AMMECR1: variants seen among roughly 807,000 people sequenced by gnomAD.
AMMECR1 encodes the protein nuclear protein AMMECR1.
A neutral mutation model predicts 22.5 loss-of-function variants in AMMECR1; 3 were observed. The ratio of observed to expected loss-of-function variants is 0.13; its 90% CI spans 0.06 to 0.35. AMMECR1 has a LOEUF of 0.35. Among genes scored for constraint, AMMECR1 ranks in the 10% least tolerant of loss-of-function variants. AMMECR1 has a pLI of 1.00. For missense variants in AMMECR1, 235 were observed against 278.7 expected (o/e 0.84, Z 1.12); for synonymous variants, 130 against 116.7 (o/e 1.11, Z -0.74).
At chrX:110,346,847 G>A (rs752874311) in intron 2 of AMMECR1, 2 of 657,813 alleles carry the variant, frequency 3.0e-6, no homozygotes, top group African/African-American at 2.1e-5. Context: ...TGTTGAGCCC[G>A]GCCTCCAGCT....
At chrX:110,320,429 T>G (rs1602895354), upstream of AMMECR1, among the ~76,000 whole-genome samples, 1 of 112,108 alleles carries the variant, frequency 8.9e-6, no homozygotes. Context: ...AGCCATTTAA[T>G]GACATCACAA....
At chrX:110,296,769 ACTTTC>A (rs1026553097) in intron 1 of AMMECR1, among the ~76,000 whole-genome samples, 2 of 109,646 alleles carry the variant, frequency 1.8e-5, no homozygotes, top group African/African-American at 6.6e-5. Context: ...TCATTCTCTT[ACTTTC>A]CTTTAATTCT....
chrX:110,424,351 T>C (rs972336285), intron 2 of AMMECR1, among the ~76,000 whole-genome samples: 16 of 111,820 alleles, frequency 1.4e-4, no homozygotes, highest in Admixed American at 7.6e-4. Flanking sequence ...CTGCTACTGT[T>C]TCTCCTCCTC....
At chrX:110,219,521 T>C in intron 2 of AMMECR1, 1 of 749,165 alleles carries the variant, frequency 1.3e-6, no homozygotes. Flanking sequence ...TTGAAATCAA[T>C]GTAATTTTCA....
intron 2 of AMMECR1, among the ~76,000 whole-genome samples, chrX:110,389,991 G>A (rs988102961): frequency 8.9e-6 from 1 of 111,866 alleles, no homozygotes; most frequent in African/African-American, 3.2e-5. Flanking sequence ...TATTGGAAGT[G>A]TGTGAAGTGT....
chrX:110,269,307 T>G (rs1337262516), intron 1 of AMMECR1, among the ~76,000 whole-genome samples: 1 of 112,003 alleles, frequency 8.9e-6, no homozygotes, highest in Non-Finnish European at 1.9e-5. Flanking sequence ...TGTATTTACT[T>G]AATAATATTT....
intron 2 of AMMECR1, among the ~76,000 whole-genome samples, chrX:110,381,671 A>C (rs1182574268): frequency 1.8e-5 from 2 of 111,741 alleles, no homozygotes; most frequent in Non-Finnish European, 3.8e-5. Flanking sequence ...TGGAATCAAC[A>C]TAGGTGCCCA....
At chrX:110,235,755 T>C (rs1204621018) in intron 2 of AMMECR1, among the ~76,000 whole-genome samples, 5 of 111,356 alleles carry the variant, frequency 4.5e-5, no homozygotes, top group South Asian at 3.8e-4. Context: ...TAGATGGGAA[T>C]TGAACAATGA....
At chrX:110,421,383 T>A (rs1308025385) in intron 2 of AMMECR1, among the ~76,000 whole-genome samples, 1 of 112,357 alleles carries the variant, frequency 8.9e-6, no homozygotes, top group Non-Finnish European at 1.9e-5. Context: ...CAAGGACAAT[T>A]TTGGCTCAAG....
intron 2 of AMMECR1, among the ~76,000 whole-genome samples, chrX:110,230,639 G>C (rs2067559818): frequency 1.8e-5 from 2 of 112,128 alleles, no homozygotes; most frequent in African/African-American, 6.5e-5. Context: ...AAGGGTCACA[G>C]CTCCTCACCA....
intron 1 of AMMECR1, among the ~76,000 whole-genome samples, chrX:110,427,759 C>T (rs1012745358): frequency 9.8e-5 from 11 of 112,207 alleles, no homozygotes; most frequent in Middle Eastern, 4.7e-3. Context: ...CATAACCACC[C>T]CCAACACTAT....
intron 1 of AMMECR1, among the ~76,000 whole-genome samples, chrX:110,299,956 T>C (rs2067957316): frequency 8.9e-6 from 1 of 112,283 alleles, no homozygotes; most frequent in Non-Finnish European, 1.9e-5. Flanking sequence ...GGTTGTTATC[T>C]TGGCTACTGT....
chrX:110,318,944 A>G (rs1328753175), upstream of AMMECR1, among the ~76,000 whole-genome samples: 3 of 112,334 alleles, frequency 2.7e-5, no homozygotes, highest in Non-Finnish European at 5.6e-5. Flanking sequence ...TGGGACTTGC[A>G]GTGGTGGACT....
upstream of AMMECR1, among the ~76,000 whole-genome samples, chrX:110,322,545 T>C (rs949088486): frequency 3.6e-5 from 4 of 112,216 alleles, no homozygotes; most frequent in Admixed American, 3.8e-4. Flanking sequence ...TCTCATTGTG[T>C]TCTGGGGCAC....
chrX:110,318,085 C>T lies in AMMECR1; in HGVS notation c.-14G>A, dbSNP rs1273641346. On this transcript the variant is annotated 5_prime_UTR_variant, in exon 1 of 6. Transcript: ENST00000262844. ...ACCCGCCGCCATCTTGGAACAGTCT[C>T]CCCCACGCAGCGTTTCCGACCCATA... 1.7e-6 allele frequency: 2 copies of T among 1,175,043 alleles called. No individual in the cohort carries two copies. The highest frequency in any genetic ancestry group is 3.5e-5 in the African/African-American group (2 of 56,886).
intron 1 of AMMECR1, among the ~76,000 whole-genome samples, chrX:110,277,702 CCCAA>C: frequency 8.9e-6 from 1 of 111,740 alleles, no homozygotes; most frequent in East Asian, 2.8e-4. Flanking sequence ...CTACTCAGAA[CCCAA>C]AGGTTAGACA....
intron 2 of AMMECR1, among the ~76,000 whole-genome samples, chrX:110,260,704 GA>G (rs1159435365): frequency 9.0e-6 from 1 of 111,281 alleles, no homozygotes; most frequent in Non-Finnish European, 1.9e-5. Context: ...CTTTTAAGAG[GA>G]AAAAGGGTAC....
At chrX:110,385,470 C>T (rs1449867313) in intron 2 of AMMECR1, among the ~76,000 whole-genome samples, 1 of 111,238 alleles carries the variant, frequency 9.0e-6, no homozygotes, top group Non-Finnish European at 1.9e-5. Context: ...ATTCATTACC[C>T]CAAAAAGGAA....
rs754073935 is a variant in AMMECR1, at chrX:110,317,621, G to C, written c.451C>G (p.Pro151Ala). ...HLYGYQQPRT[P>A]RFTNEPYPLF... Reference sequence around the variant, plus strand: ...CACTAGGGCTCGTTGGTGAATCGGGGGGTCCGGGGCTGCTGGTATCCATAC... The same window carrying C: ...CACTAGGGCTCGTTGGTGAATCGGGCGGTCCGGGGCTGCTGGTATCCATAC... Residue 151 changes from proline to alanine, a missense_variant, in exon 1 of 6, where the codon CCC becomes GCC. Pro to Ala is a conservative substitution (Grantham distance 27). Around this residue, in one of 2 missense-constraint regions of AMMECR1, gnomAD observed 111 missense variants for 181.7 expected, o/e 0.61. Transcript: ENST00000262844. 1.7e-6 allele frequency: 2 copies of C among 1,195,605 alleles called. No homozygotes were observed. Among genetic ancestry groups the C allele is most frequent in the Non-Finnish European group, 2.3e-6 (2 of 886,454 alleles).
Sources: gnomAD v4.1 joint callset for allele counts (sites outside exome capture counted in the v4.1 genomes callset) on GRCh38, gnomAD v4.1.1 for gene constraint, gnomAD v4.1.1 regional missense constraint, MANE v1.5 for transcripts, NCBI Gene and HGNC (gene_info 2026-07-23, HGNC 2026-07-21) for gene names.